The following LPP variants were observed in gnomAD, a reference collection of about 807,000 sequenced individuals.
The protein encoded by LPP is lipoma-preferred partner.
In LPP, 38 loss-of-function variants were observed where a neutral mutation model predicts 60.4. The observed-to-expected ratio is 0.63, with a 90% CI of 0.49 to 0.83. LPP has a LOEUF of 0.83. Among genes scored for constraint, LPP ranks in the 40% least tolerant of loss-of-function variants. The pLI is 0.00. For missense variants in LPP, 902 were observed against 783.6 expected, an observed-to-expected ratio of 1.15 and a Z score of -1.80; for synonymous variants, 328 against 290.8, an observed-to-expected ratio of 1.13 and a Z score of -1.30.
chr3:188,226,738 G>A (rs1451329464), intron 2 of LPP, among the ~76,000 whole-genome samples: 2 of 152,054 alleles, frequency 1.3e-5, no homozygotes, highest in Non-Finnish European at 2.9e-5. Flanking sequence ...TTGTGGTGTA[G>A]TTTTCCAAAA....
intron 2 of LPP, among the ~76,000 whole-genome samples, chr3:188,285,531 T>G (rs1356110595): frequency 6.6e-6 from 1 of 152,124 alleles, no homozygotes; most frequent in Non-Finnish European, 1.5e-5. Context: ...CCTGAGTAGC[T>G]GGGATTACAG....
intron 8 of LPP, chr3:188,709,219 A>G (rs1159409584): frequency 6.6e-6 from 1 of 152,248 alleles, no homozygotes; most frequent in Non-Finnish European, 1.5e-5. Flanking sequence ...CTGTGGACGC[A>G]TAACCTGTCC....
intron 3 of LPP, among the ~76,000 whole-genome samples, chr3:188,394,215 T>C (rs1578572377): frequency 6.6e-6 from 1 of 152,322 alleles, no homozygotes; most frequent in African/African-American, 2.4e-5. Flanking sequence ...AACAAATAAA[T>C]TACCTGAAAT....
At chr3:188,480,302 T>C (rs1241741860) in intron 4 of LPP, among the ~76,000 whole-genome samples, 3 of 152,244 alleles carry the variant, frequency 2.0e-5, no homozygotes, top group Middle Eastern at 6.3e-3. Context: ...TGTTTCTTGC[T>C]GCTACCTCTT....
intron 2 of LPP, among the ~76,000 whole-genome samples, chr3:188,229,608 T>G (rs894720848): frequency 1.3e-5 from 2 of 152,244 alleles, no homozygotes; most frequent in Non-Finnish European, 2.9e-5. Flanking sequence ...GTCTGAGCAG[T>G]GACCTATCCA....
chr3:188,862,719 ATAAATAAAT>A (rs746857186), intron 9 of LPP, among the ~76,000 whole-genome samples: 10,551 of 89,784 alleles, frequency 0.12, 780 homozygotes, highest in Non-Finnish European at 0.18. Flanking sequence ...AGACAAAAAA[ATAAATAAAT>A]AAATAAATAA....
Position 188,391,327 on chromosome 3 carries a change from A to G in LPP, c.-9-14785A>G, listed in dbSNP as rs138571097. Among the ~76,000 whole-genome samples, 3 of 152,298 alleles carry G rather than the reference A, an allele frequency of 2.0e-5. No homozygotes were observed. The East Asian group carries it at 5.8e-4, about 29-fold the overall frequency. On this transcript the variant is annotated intron_variant, in intron 3 of 11. Transcript: ENST00000617246. Reference sequence around the variant, plus strand: ...GACTGGGAGCTTTGAGAGGGACGGCACTGGGTGTGCTCTGTGCACGGCTCT... The same window carrying G: ...GACTGGGAGCTTTGAGAGGGACGGCGCTGGGTGTGCTCTGTGCACGGCTCT...
intron 7 of LPP, among the ~76,000 whole-genome samples, chr3:188,681,083 G>A (rs1271547551): frequency 6.9e-6 from 1 of 144,966 alleles, no homozygotes; most frequent in Non-Finnish European, 1.5e-5. Flanking sequence ...TGCAATCACC[G>A]CCTCCTGGGT....
chr3:188,240,559 C>G (rs145588425), intron 2 of LPP, among the ~76,000 whole-genome samples: 3 of 152,168 alleles, frequency 2.0e-5, no homozygotes, highest in East Asian at 1.9e-4. Flanking sequence ...TAGTTGAGAG[C>G]TTTATTCAAA....
chr3:188,649,617 G>A (rs1851714286), intron 7 of LPP, among the ~76,000 whole-genome samples: 1 of 150,244 alleles, frequency 6.7e-6, no homozygotes, highest in South Asian at 2.2e-4. Flanking sequence ...CTTTTGCCAG[G>A]CATCCAAAAT....
intron 6 of LPP, among the ~76,000 whole-genome samples, chr3:188,558,281 C>T (rs1829941103): frequency 6.6e-6 from 1 of 152,020 alleles, no homozygotes; most frequent in African/African-American, 2.4e-5. Flanking sequence ...TCTTTTACAC[C>T]TCTTCAGTGA....
intron 3 of LPP, among the ~76,000 whole-genome samples, chr3:188,362,513 T>TA (rs1459972032): frequency 1.3e-5 from 2 of 152,206 alleles, no homozygotes; most frequent in African/African-American, 4.8e-5. Flanking sequence ...TTCCTGATAC[T>TA]TTTACATCCC....
rs576632607 is a variant in LPP at position 188,277,207 on chromosome 3, C to A, written c.-67+51680C>A. Among the ~76,000 whole-genome samples, 3 of 152,188 alleles carry A rather than the reference C, an allele frequency of 2.0e-5. No individual in the cohort carries two copies. In the East Asian group the frequency reaches 5.8e-4, roughly 30 times the overall value. On this transcript the variant is annotated intron_variant, in intron 2 of 11. Coordinates refer to ENST00000617246, the MANE Select transcript of LPP (RefSeq NM_001375462.1). ...GCATGAGCCACCTCACCTGGCCAACCTCTTTTCTTTTAAATTACCCAATCT... is the reference window on the plus strand; with the variant it reads ...GCATGAGCCACCTCACCTGGCCAACATCTTTTCTTTTAAATTACCCAATCT...
chr3:188,551,596 A>G (rs1270864572), intron 6 of LPP, among the ~76,000 whole-genome samples: 1 of 152,220 alleles, frequency 6.6e-6, no homozygotes, highest in Non-Finnish European at 1.5e-5. Context: ...ACGTTTTAGT[A>G]GGGAAAATAT....
intron 9 of LPP, among the ~76,000 whole-genome samples, chr3:188,839,122 ATTTC>A (rs1210708856): frequency 1.3e-5 from 2 of 152,158 alleles, no homozygotes; most frequent in African/African-American, 4.8e-5. Context: ...ACCAAATAGT[ATTTC>A]TTCTTTTACC....
intron 4 of LPP, among the ~76,000 whole-genome samples, chr3:188,456,274 G>A (rs1797719638): frequency 6.6e-6 from 1 of 152,190 alleles, no homozygotes; most frequent in South Asian, 2.1e-4. Context: ...GTGTGTACAT[G>A]CATATGTGCT....
intron 1 of LPP, among the ~76,000 whole-genome samples, chr3:188,194,246 C>T (rs907177458): frequency 2.6e-4 from 39 of 152,202 alleles, no homozygotes; most frequent in African/African-American, 9.4e-4. Flanking sequence ...CTCTGTACTT[C>T]GTAATTGTGC....
intron 3 of LPP, among the ~76,000 whole-genome samples, chr3:188,344,827 T>C (rs1204402183): frequency 1.3e-5 from 2 of 152,216 alleles, no homozygotes; most frequent in African/African-American, 4.8e-5. Flanking sequence ...AAAGAAAAGC[T>C]GTTTTCCTCC....
chr3:188,430,927 C>G (rs1333983709), intron 4 of LPP, among the ~76,000 whole-genome samples: 1 of 149,722 alleles, frequency 6.7e-6, no homozygotes, highest in Non-Finnish European at 1.5e-5. Context: ...CTTTTTTTTT[C>G]TTTAGGATTT....
Sources: gnomAD v4.1 joint callset for allele counts (sites outside exome capture counted in the v4.1 genomes callset) on GRCh38, gnomAD v4.1.1 for gene constraint, MANE v1.5 for transcripts, NCBI Gene and HGNC (gene_info 2026-07-23, HGNC 2026-07-21) for gene names.